Variants in CCDC178 observed in about 807,000 individuals in gnomAD.
CCDC178 encodes the protein coiled-coil domain containing 178.
CCDC178 carries 126 observed loss-of-function variants against 117.4 expected under a neutral mutation model. That is an observed-to-expected ratio of 1.07 (90% CI 0.93 to 1.24). CCDC178 has a LOEUF of 1.24. Ranked by LOEUF, CCDC178 falls within the 50% of genes most tolerant of loss-of-function variation. CCDC178 has a pLI of 0.00. For missense variants in CCDC178, 1,030 were observed against 986.9 expected (o/e 1.04, Z -0.59); for synonymous variants, 283 against 313.4 (o/e 0.90, Z 1.02).
chr18:33,118,150 G>A (rs1472632150), intron 20 of CCDC178, among the ~76,000 whole-genome samples: 7 of 152,006 alleles, frequency 4.6e-5, no homozygotes, highest in South Asian at 2.1e-4. Flanking sequence ...GTTTTATCAT[G>A]TTCCCCATCA....
At chr18:33,137,295 T>C (rs2058140538) in intron 20 of CCDC178, among the ~76,000 whole-genome samples, 1 of 152,336 alleles carries the variant, frequency 6.6e-6, no homozygotes, top group South Asian at 2.1e-4. Context: ...GCAAGTAATA[T>C]ATTGTTTTTC....
intron 10 of CCDC178, among the ~76,000 whole-genome samples, chr18:33,331,265 G>A (rs2144623272): frequency 6.6e-6 from 1 of 152,000 alleles, no homozygotes; most frequent in African/African-American, 2.4e-5. Flanking sequence ...AGTTAGGATT[G>A]AGTTTTGCTG....
chr18:33,087,566 T>TTTTG (rs1382390617), intron 21 of CCDC178, among the ~76,000 whole-genome samples: 26 of 146,130 alleles, frequency 1.8e-4, no homozygotes, highest in Middle Eastern at 3.5e-3. Flanking sequence ...CCAAAGCCAT[T>TTTTG]TGTGTGTGTG....
chr18:33,187,648 G>T (rs2058812934), intron 20 of CCDC178, among the ~76,000 whole-genome samples: 1 of 152,116 alleles, frequency 6.6e-6, no homozygotes, highest in Admixed American at 6.6e-5. Context: ...ATAGAAATTA[G>T]CCTAAAGATA....
chr18:33,247,731 G>A (rs1411914823), intron 14 of CCDC178, among the ~76,000 whole-genome samples: 1 of 151,832 alleles, frequency 6.6e-6, no homozygotes, highest in African/African-American at 2.4e-5. Context: ...ATGTGTATAT[G>A]TGTGTTAATC....
chr18:33,314,867 G>T (rs1671292638), intron 11 of CCDC178, among the ~76,000 whole-genome samples: 1 of 152,114 alleles, frequency 6.6e-6, no homozygotes, highest in African/African-American at 2.4e-5. Context: ...AAGGAAAAAA[G>T]TCCCACTAAC....
rs1421134084 is a variant in CCDC178, at chr18:32,937,775, T to A, written c.*236A>T. 11 of 459,546 alleles carry A rather than the reference T, an allele frequency of 2.4e-5. No homozygotes were observed. The highest frequency in any genetic ancestry group is 4.1e-5 in the South Asian group (1 of 24,178). The allele number at this position is 459,546 out of a possible 1,614,324, so 28.5% of individuals were successfully genotyped here. A position where few individuals can be genotyped will look rare whatever the true frequency, so the allele number is the denominator to read the frequency against. ...TCAGATGAGGCAAAGCCAATTGCAA[T>A]CAGTCACCCAGAGCTGAAATTAGAT... On this transcript the variant is annotated 3_prime_UTR_variant, in exon 23 of 23. Transcript: ENST00000383096.
At chr18:33,086,372 TTATATATATGTACATATATACATGTA>T (rs1203122680) in intron 21 of CCDC178, among the ~76,000 whole-genome samples, 2 of 150,768 alleles carry the variant, frequency 1.3e-5, no homozygotes, top group Non-Finnish European at 3.0e-5. Context: ...CTCTTATGTT[TTATATATATGTACATATATACATGTA>T]TGTATATATA....
chr18:33,214,855 T>C (rs2059147288), intron 19 of CCDC178, among the ~76,000 whole-genome samples: 2 of 152,070 alleles, frequency 1.3e-5, no homozygotes, highest in South Asian at 4.1e-4. Flanking sequence ...ATTTTGCTAA[T>C]GCTTGTAGTA....
intron 2 of CCDC178, among the ~76,000 whole-genome samples, chr18:33,427,636 T>G (rs1288833131): frequency 1.3e-5 from 2 of 152,178 alleles, no homozygotes; most frequent in Non-Finnish European, 2.9e-5. Context: ...ATGGTTTTGC[T>G]AAAGCCAAGC....
chr18:32,953,871 A>G (rs2054539264), intron 22 of CCDC178, among the ~76,000 whole-genome samples: 1 of 152,212 alleles, frequency 6.6e-6, no homozygotes, highest in Non-Finnish European at 1.5e-5. Flanking sequence ...TGATAACAGA[A>G]GTTTTCTTTA....
intron 21 of CCDC178, among the ~76,000 whole-genome samples, chr18:32,994,044 A>G (rs1254294909): frequency 6.6e-6 from 1 of 152,014 alleles, no homozygotes; most frequent in African/African-American, 2.4e-5. Context: ...GCAGAAAGAA[A>G]ATGCTTCCTC....
intron 21 of CCDC178, among the ~76,000 whole-genome samples, chr18:32,996,601 A>C (rs2055514358): frequency 6.6e-6 from 1 of 152,052 alleles, no homozygotes; most frequent in African/African-American, 2.4e-5. Context: ...CTGCATCTAT[A>C]ATATAATTTC....
intron 20 of CCDC178, among the ~76,000 whole-genome samples, chr18:33,176,503 T>G (rs577791063): frequency 6.6e-6 from 1 of 152,308 alleles, no homozygotes; most frequent in African/African-American, 2.4e-5. Flanking sequence ...GAGAACTGTC[T>G]TAGCTTCTCC....
At chr18:33,160,353 G>A (rs2058447935) in intron 20 of CCDC178, among the ~76,000 whole-genome samples, 1 of 152,030 alleles carries the variant, frequency 6.6e-6, no homozygotes, top group Non-Finnish European at 1.5e-5. Context: ...TGACATATAT[G>A]TCTTTTTAGC....
intron 20 of CCDC178, among the ~76,000 whole-genome samples, chr18:33,197,636 A>T (rs967923024): frequency 5.9e-5 from 9 of 152,260 alleles, no homozygotes; most frequent in Non-Finnish European, 1.0e-4. Flanking sequence ...AAAAAAAAAA[A>T]AAAATACTTA....
intron 14 of CCDC178, among the ~76,000 whole-genome samples, chr18:33,247,069 G>A (rs1224337967): frequency 1.0e-5 from 1 of 99,198 alleles, no homozygotes; most frequent in African/African-American, 3.6e-5. Flanking sequence ...ATATGTAAGT[G>A]TGTTACGTGT....
chr18:33,045,479 G>T (rs1279145357), intron 21 of CCDC178, among the ~76,000 whole-genome samples: 1 of 152,102 alleles, frequency 6.6e-6, no homozygotes, highest in Non-Finnish European at 1.5e-5. Context: ...CATCTACTTT[G>T]CCAGGTTCTG....
intron 20 of CCDC178, among the ~76,000 whole-genome samples, chr18:33,164,421 C>T (rs1306783249): frequency 1.3e-5 from 2 of 151,872 alleles, no homozygotes; most frequent in Non-Finnish European, 2.9e-5. Context: ...AACCAGGATC[C>T]ATTAGTATTC....
Sources: gnomAD v4.1 joint callset for allele counts (sites outside exome capture counted in the v4.1 genomes callset) on GRCh38, gnomAD v4.1.1 for gene constraint, MANE v1.5 for transcripts, NCBI Gene and HGNC (gene_info 2026-07-23, HGNC 2026-07-21) for gene names.